Variants in NPC1 observed in about 807,000 individuals in gnomAD.
NPC1 encodes the protein NPC intracellular cholesterol transporter 1, also known as Niemann-Pick C1 protein.
A neutral mutation model predicts 140.4 loss-of-function variants in NPC1; 85 were observed. The observed-to-expected ratio is 0.61, with a 90% confidence interval of 0.51 to 0.72. NPC1 has a LOEUF of 0.72. Ranked by LOEUF, NPC1 falls within the 30% of genes least tolerant of loss-of-function variation. The pLI is 0.00. For synonymous variants in NPC1, 656 were observed against 624.8 expected (o/e 1.05, Z -0.74); for missense variants, 1,504 against 1,623.8 (o/e 0.93, Z 1.27).
At chr18:23,523,745 C>G (rs968519757) in intron 1 of NPC1, among the ~76,000 whole-genome samples, 1 of 151,964 alleles carries the variant, frequency 6.6e-6, no homozygotes, top group African/African-American at 2.4e-5. Context: ...GATAATTAAG[C>G]TACAAGCCAC....
chr18:23,516,366 C>A (rs146281079), intron 3 of NPC1: 3 of 1,614,236 alleles, frequency 1.9e-6, no homozygotes, highest in South Asian at 2.2e-5. Context: ...GAATTACCAG[C>A]TGCGCCTAAG....
At chr18:23,563,987 G>GTTTGT (rs1555639699) in intron 4 of NPC1, among the ~76,000 whole-genome samples, 29 of 102,586 alleles carry the variant, frequency 2.8e-4, no homozygotes, top group African/African-American at 1.0e-3. Flanking sequence ...AGTAGTAAGA[G>GTTTGT]TTTTTTTTTT....
At chr18:23,508,951 A>G (rs2057779936) in intron 3 of NPC1, among the ~76,000 whole-genome samples, 2 of 152,202 alleles carry the variant, frequency 1.3e-5, no homozygotes, top group Non-Finnish European at 2.9e-5. Context: ...ACTTTTCTAC[A>G]AAACACAGAC....
chr18:23,556,096 A>G (rs754896471), intron 8 of NPC1, 147 bp downstream of exon 8: 11 of 717,784 alleles, frequency 1.5e-5, no homozygotes, highest in Non-Finnish European at 2.7e-5. Context: ...AACCTAACTT[A>G]AAGGCAGCTT....
intron 10 of NPC1, among the ~76,000 whole-genome samples, chr18:23,550,607 G>T (rs934967019): frequency 1.3e-5 from 2 of 148,942 alleles, no homozygotes; most frequent in African/African-American, 5.0e-5. Context: ...TCAGCCTCCC[G>T]AGTAGCTGGG....
chr18:23,568,830 A>C lies in NPC1; in HGVS notation c.456T>G (p.Phe152Leu). ...AATTAAAAGTTTACTTACCATTGGC[A>C]AAACTCTGTCCGACGTAGTATTGTA... ...KELQYYVGQS[F>L]ANAMYNACRD... is the part of the protein sequence containing the mutation. The change falls in exon 4 of 25, where the codon TTT becomes TTG. Residue 152 changes from phenylalanine (F) to leucine (L), a missense_variant. Coordinates refer to ENST00000269228, the MANE Select transcript of NPC1 (RefSeq NM_000271.5). 1 of 1,613,924 alleles carries C rather than the reference A, an allele frequency of 6.2e-7. No homozygotes were observed. Among genetic ancestry groups the C allele is most frequent in the Non-Finnish European group, 8.5e-7 (1 of 1,179,778 alleles).
intron 3 of NPC1, among the ~76,000 whole-genome samples, chr18:23,569,248 C>A (rs1599003491): frequency 6.6e-6 from 1 of 152,318 alleles, no homozygotes; most frequent in Non-Finnish European, 1.5e-5. Context: ...AGATGCTTCT[C>A]TGAATTCTGC....
At chr18:23,530,143 C>T (rs2145302070), downstream of NPC1, 1 of 1,613,644 alleles carries the variant, frequency 6.2e-7, no homozygotes. Flanking sequence ...GTATGCATTG[C>T]CAGATTTTTA....
chr18:23,536,593 T>TA, intron 21 of NPC1, 80 bp downstream of exon 21: 1 of 1,270,702 alleles, frequency 7.9e-7, no homozygotes, highest in Middle Eastern at 2.2e-4. Context: ...AATCAGCATC[T>TA]TGCCAAGGGA....
At chr18:23,549,742 C>CTTTTTTTTTTTT (rs1000073339) in intron 10 of NPC1, among the ~76,000 whole-genome samples, 1 of 138,006 alleles carries the variant, frequency 7.2e-6, no homozygotes, top group Admixed American at 7.2e-5. Flanking sequence ...TTTTTCACAA[C>CTTTTTTTTTTTT]TTTTTTTTTT....
At chr18:23,527,937 C>G, downstream of NPC1, 1 of 1,486,700 alleles carries the variant, frequency 6.7e-7, no homozygotes, top group Non-Finnish European at 9.3e-7. Context: ...GGTCCTCCTC[C>G]CCCACCCCCT....
chr18:23,511,588 T>A (rs1379412676), intron 3 of NPC1, among the ~76,000 whole-genome samples: 1 of 151,972 alleles, frequency 6.6e-6, no homozygotes, highest in Non-Finnish European at 1.5e-5. Flanking sequence ...CCTCTATTTT[T>A]AAAAATAAAT....
chr18:23,559,492 C>CTTTTTTTT (rs57612444), intron 6 of NPC1, among the ~76,000 whole-genome samples: 6 of 81,466 alleles, frequency 7.4e-5, no homozygotes, highest in African/African-American at 1.6e-4. Context: ...TTGACTCTGA[C>CTTTTTTTT]TTTTTTTTTT....
intron 3 of NPC1, chr18:23,509,672 C>T (rs1175934353): frequency 6.5e-6 from 1 of 152,870 alleles, no homozygotes; most frequent in Non-Finnish European, 1.5e-5. Context: ...AAGCGATTCT[C>T]CTGTCTCAGC....
At position 23,516,231 on chromosome 18, in the gene NPC1, G is replaced by A; in HGVS notation, c.432-9589C>T. The stretch of plus-strand genomic sequence containing the variant: ...TGGAAAGGATCCAAAGACGAAGTCT[G>A]TGTTTATCCTTGTTGGTTTTACACA... On this transcript the variant is annotated intron_variant, in intron 3 of 3. Coordinates refer to the NPC1 transcript ENST00000591107. 2.7e-6 allele frequency: 4 copies of A among 1,468,988 alleles called. No homozygotes were observed. In the Admixed American group the frequency reaches 6.7e-5, roughly 25 times the overall value. The allele number at this position is 1,468,988 out of a possible 1,614,324, so 91.0% of individuals were successfully genotyped here. A position where few individuals can be genotyped will look rare whatever the true frequency, so the allele number is the denominator to read the frequency against.
At chr18:23,567,940 A>G (rs2059149436) in intron 4 of NPC1, among the ~76,000 whole-genome samples, 1 of 152,168 alleles carries the variant, frequency 6.6e-6, no homozygotes, top group Non-Finnish European at 1.5e-5. Flanking sequence ...TCTGCTCTAG[A>G]TAACAGTTGT....
At chr18:23,521,411 G>A (rs891592652), downstream of NPC1, among the ~76,000 whole-genome samples, 3 of 152,230 alleles carry the variant, frequency 2.0e-5, no homozygotes. Flanking sequence ...GTTTGTTACT[G>A]TAACCTGGGA....
At chr18:23,529,609 G>T (rs765444816), downstream of NPC1, 31 of 1,600,462 alleles carry the variant, frequency 1.9e-5, 1 homozygote, top group South Asian at 3.4e-4. Context: ...GTTGGTATTT[G>T]TAAGACCACA....
chr18:23,573,728 T>C (rs913014968), intron 1 of NPC1, among the ~76,000 whole-genome samples, 154 bp from the exon 2 acceptor site: 1 of 152,204 alleles, frequency 6.6e-6, no homozygotes, highest in Admixed American at 6.5e-5. Flanking sequence ...AAAATATTAA[T>C]TAAAGCAGAC....
Sources: allele counts gnomAD v4.1 joint callset (sites outside exome capture counted in the v4.1 genomes callset), GRCh38; gene constraint gnomAD v4.1.1; transcripts MANE v1.5; gene names NCBI Gene and HGNC (gene_info 2026-07-23, HGNC 2026-07-21).